The following SHCBP1L variants were observed in gnomAD, a reference collection of about 807,000 sequenced individuals.
The protein encoded by SHCBP1L is SHC binding and spindle associated 1 like.
A neutral mutation model predicts 62.5 loss-of-function variants in SHCBP1L; 67 were observed. The observed-to-expected ratio is 1.07, with a 90% CI of 0.88 to 1.31. The LOEUF is 1.31. Among genes scored for constraint, SHCBP1L ranks in the 40% most tolerant of loss-of-function variants. The pLI is 0.00. For missense variants in SHCBP1L, 823 were observed against 809.8 expected, an observed-to-expected ratio of 1.02 and a Z score of -0.20; for synonymous variants, 284 against 289.4, an observed-to-expected ratio of 0.98 and a Z score of 0.19.
At chr1:182,948,819 G>A (rs1401736686) in intron 2 of SHCBP1L, among the ~76,000 whole-genome samples, 4 of 152,190 alleles carry the variant, frequency 2.6e-5, no homozygotes, top group African/African-American at 9.7e-5. Context: ...ACTGAAGTAA[G>A]ACTAAAGAAG....
chr1:182,946,296 AC>A (rs1265072943), intron 2 of SHCBP1L, among the ~76,000 whole-genome samples: 1 of 151,860 alleles, frequency 6.6e-6, no homozygotes, highest in Admixed American at 6.6e-5. Context: ...TGTTCTTGCC[AC>A]CAACCTCTTC....
intron 6 of SHCBP1L, among the ~76,000 whole-genome samples, chr1:182,918,895 G>A (rs996282626): frequency 1.3e-5 from 2 of 152,114 alleles, no homozygotes; most frequent in Admixed American, 1.3e-4. Context: ...CATTCAATGG[G>A]GAAAGAATAG....
chr1:182,922,293 T>C (rs929130732), intron 6 of SHCBP1L, among the ~76,000 whole-genome samples: 3 of 152,148 alleles, frequency 2.0e-5, no homozygotes, highest in African/African-American at 7.2e-5. Flanking sequence ...CACGACCAAA[T>C]GGACCTAACA....
chr1:182,904,356 T>C lies in SHCBP1L; in HGVS notation c.1411A>G (p.Asn471Asp). ...RDSFVVSKAD[N>D]VKLMHLSLIQ... ...AAAGATAGATGCATTAGTTTCACAT[T>C]GTCAGCTTTGGACACCACAAAACTG... Residue 471 changes from asparagine to aspartate, a missense_variant, in exon 8 of 10, where the codon AAT (asparagine) becomes GAT (aspartate). Asn to Asp is a conservative substitution (Grantham distance 23, BLOSUM62 1). Transcript: ENST00000367547. 3 of 1,614,188 alleles carry C rather than the reference T, an allele frequency of 1.9e-6. No individual in the cohort carries two copies. The highest frequency in any genetic ancestry group is 2.5e-6 in the Non-Finnish European group (3 of 1,180,034).
chr1:182,939,380 T>C lies in SHCBP1L; in HGVS notation c.872A>G (p.Gln291Arg). The stretch of plus-strand genomic sequence containing the variant: ...GATAGGACCAGGTATTGTTCCATCC[T>C]GTATATCACACCACCTGAAAATTAT... ...EERINLWCDI[Q>R]DGTIPGPIAQ... The change falls in exon 5 of 10, where the codon CAG (glutamine) becomes CGG (arginine). Residue 291 changes from glutamine (Q) to arginine (R), a missense_variant. Transcript: ENST00000367547. 1 of 1,613,060 alleles carries C rather than the reference T, an allele frequency of 6.2e-7. No homozygotes were observed. Among genetic ancestry groups the C allele is most frequent in the South Asian group, 1.1e-5 (1 of 90,690 alleles).
intron 5 of SHCBP1L, among the ~76,000 whole-genome samples, chr1:182,932,497 T>C (rs1651039399): frequency 1.3e-5 from 2 of 152,158 alleles, no homozygotes; most frequent in Non-Finnish European, 2.9e-5. Context: ...ATTTATTTAT[T>C]TGAGTCAGAG....
rs190945161 is a variant in SHCBP1L at position 182,901,275 on chromosome 1, T to C, written c.1711-1041A>G. ...TAGTTCGAGACCAGCCTGACCAACA[T>C]GGAGAAACCCCGTCTCTACTAAAAA... On this transcript the variant is annotated intron_variant, in intron 9 of 9. Coordinates refer to ENST00000367547, the MANE Select transcript of SHCBP1L (RefSeq NM_030933.4). Among the ~76,000 whole-genome samples the C allele has an allele frequency of 1.7e-3, 261 of 152,122 alleles. 1 individual carries two copies. The highest frequency in any genetic ancestry group is 6.0e-3 in the African/African-American group (250 of 41,508).
chr1:182,939,508 A>G lies in SHCBP1L; in HGVS notation c.816T>C (p.Ser272=), dbSNP rs1651287388. 6.2e-7 allele frequency: 1 copy of G among 1,609,054 alleles called. No individual in the cohort carries two copies. The highest frequency in any genetic ancestry group is 1.3e-5 in the African/African-American group (1 of 74,766). The stretch of plus-strand genomic sequence containing the variant: ...CAATAAGTGCAGTATAATTCTCACA[A>G]CTTTCTTCATCATCCCAGTCTCTCC... ...FLWRDWDDEE[S]CENYTALIEE... is the part of the protein sequence containing the mutation. Residue 272 remains serine (S), a synonymous_variant, in exon 4 of 10, where the codon AGT becomes AGC. Transcript: ENST00000367547.
intron 6 of SHCBP1L, 46 bp from the exon 7 acceptor site, chr1:182,905,695 G>A: frequency 6.4e-7 from 1 of 1,566,416 alleles, no homozygotes; most frequent in Non-Finnish European, 8.7e-7. Context: ...AGGTTAAACT[G>A]AAACATGTCA....
At chr1:182,920,967 A>G (rs1287556149) in intron 6 of SHCBP1L, among the ~76,000 whole-genome samples, 1 of 152,210 alleles carries the variant, frequency 6.6e-6, no homozygotes, top group Non-Finnish European at 1.5e-5. Context: ...GATACTGTAC[A>G]CTAAAAATTT....
chr1:182,940,741 A>T (rs1558003505), intron 2 of SHCBP1L, among the ~76,000 whole-genome samples, 198 bp from the exon 3 acceptor site: 1 of 151,734 alleles, frequency 6.6e-6, no homozygotes, highest in Non-Finnish European at 1.5e-5. Context: ...TCTTAAATAC[A>T]TTTTTTTTCA....
chr1:182,939,342 T>A lies in SHCBP1L; in HGVS notation c.910A>T (p.Lys304Ter). The A allele has an allele frequency of 1.9e-6, 3 of 1,614,056 alleles. No individual in the cohort carries two copies. ...TTTTTATATTTCTCCAAAGTTTTTT[T>A]AAAACGTTGTGCGATAGGACCAGGT... ...TIPGPIAQRF[K>*]KTLEKYKNKR... Residue 304 changes from lysine to a stop codon, truncating the protein, a stop_gained, in exon 5 of 10, where the codon AAA becomes TAA. Coordinates refer to ENST00000367547, the MANE Select transcript of SHCBP1L (RefSeq NM_030933.4). LOFTEE classifies it high-confidence loss of function.
intron 5 of SHCBP1L, among the ~76,000 whole-genome samples, chr1:182,930,845 C>A (rs577326953): frequency 7.0e-6 from 1 of 143,746 alleles, no homozygotes; most frequent in African/African-American, 2.6e-5. Context: ...CCCACCTCAG[C>A]CTCCCCAGTA....
chr1:182,902,665 C>G (rs1204271637), intron 9 of SHCBP1L, among the ~76,000 whole-genome samples: 1 of 152,222 alleles, frequency 6.6e-6, no homozygotes, highest in East Asian at 1.9e-4. Context: ...AATCATTTAA[C>G]ACAACTTTGA....
At chr1:182,952,156 C>CAA (rs869293009) in intron 1 of SHCBP1L, among the ~76,000 whole-genome samples, 1 of 12,684 alleles carries the variant, frequency 7.9e-5, no homozygotes. Context: ...ACTCCGTCTC[C>CAA]AAAAAAAAAA....
intron 5 of SHCBP1L, among the ~76,000 whole-genome samples, chr1:182,930,959 C>T (rs1338494331): frequency 6.7e-6 from 1 of 148,480 alleles, no homozygotes; most frequent in East Asian, 2.0e-4. Flanking sequence ...CTCCTGGCCT[C>T]AAGCAGTCCT....
Position 182,904,452 on chromosome 1 carries a change from A to C in SHCBP1L, c.1337-22T>G, listed in dbSNP as rs542332834. The C allele has an allele frequency of 1.9e-6, 3 of 1,610,930 alleles. No homozygotes were observed. In the Admixed American group the frequency reaches 5.0e-5, roughly 27 times the overall value. On this transcript the variant is annotated intron_variant, in intron 7 of 9. Coordinates refer to ENST00000367547, the MANE Select transcript of SHCBP1L (RefSeq NM_030933.4). ...ACTCCTGATTCATAGGGATAAAAAT[A>C]CATTAAATCAGTAATCTCCCATTTT... is the stretch of plus-strand genomic sequence containing the variant.
intron 6 of SHCBP1L, among the ~76,000 whole-genome samples, 186 bp downstream of exon 6, chr1:182,929,456 AAGGTT>A (rs1650888975): frequency 6.6e-6 from 1 of 152,216 alleles, no homozygotes; most frequent in African/African-American, 2.4e-5. Flanking sequence ...ACCTGGCTAC[AAGGTT>A]AGTACTCAGT....
intron 2 of SHCBP1L, among the ~76,000 whole-genome samples, chr1:182,941,100 C>T (rs1651347865): frequency 6.6e-6 from 1 of 151,168 alleles, no homozygotes; most frequent in African/African-American, 2.4e-5. Context: ...TTCCAGTGGG[C>T]ATCTAGCACA....
Sources: allele counts gnomAD v4.1 joint callset (sites outside exome capture counted in the v4.1 genomes callset), GRCh38; gene constraint gnomAD v4.1.1; transcripts MANE v1.5; gene names NCBI Gene and HGNC (gene_info 2026-07-23, HGNC 2026-07-21).